Variants in RAI1 observed in about 807,000 individuals in gnomAD.
The protein encoded by RAI1 is retinoic acid-induced protein 1.
A neutral mutation model predicts 123.8 loss-of-function variants in RAI1; 9 were observed. That is an observed-to-expected ratio of 0.07 (90% CI 0.04 to 0.13). The LOEUF (loss-of-function observed/expected upper bound fraction) is 0.13. Ranked by LOEUF, RAI1 falls within the 10% of genes least tolerant of loss-of-function variation. RAI1 has a pLI of 1.00. For missense variants in RAI1, 2,256 were observed against 2,545.8 expected, an observed-to-expected ratio of 0.89 and a Z score of 2.45; for synonymous variants, 1,231 against 1,127.3, an observed-to-expected ratio of 1.09 and a Z score of -1.84.
intron 2 of RAI1, among the ~76,000 whole-genome samples, chr17:17,730,091 A>G (rs1403352331): frequency 6.6e-6 from 1 of 152,126 alleles, no homozygotes; most frequent in Non-Finnish European, 1.5e-5. Context: ...CACTCATTCC[A>G]CAAAAAGCCC....
chr17:17,785,038 A>G (rs1341701764), intron 2 of RAI1, among the ~76,000 whole-genome samples: 2 of 152,090 alleles, frequency 1.3e-5, no homozygotes, highest in African/African-American at 4.8e-5. Context: ...ACTACATCTC[A>G]ACACCACCAG....
chr17:17,783,325 C>T lies in RAI1; in HGVS notation c.-16-9608C>T, dbSNP rs540406813. On this transcript the variant is annotated intron_variant, in intron 2 of 5. Coordinates refer to ENST00000353383, the MANE Select transcript of RAI1 (RefSeq NM_030665.4). ...AGAGCCCGAGGTTGCCGTGACCTTG[C>T]TGGGGTCAGCGGGCTGGGCTGCGGA... Among the ~76,000 whole-genome samples the T allele has an allele frequency of 2.0e-3, 302 of 152,198 alleles. 1 individual carries two copies. The highest frequency in any genetic ancestry group is 0.01 in the Middle Eastern group (3 of 292).
rs1273446373 is a variant in RAI1, at chr17:17,809,619, C to A, written c.5709+180C>A. On this transcript the variant is annotated intron_variant, in intron 5 of 5. Transcript: ENST00000353383. The surrounding 1 kb of genome is among the most constrained non-coding windows in gnomAD (Gnocchi z 4.9). ...CCCCCGCCGCCGTCCAGCTCAGGTC[C>A]CTGTCCACTTGCGCGCCGCCGCCGC... Among the ~76,000 whole-genome samples the A allele has an allele frequency of 6.6e-6, 1 of 152,158 alleles. No individual in the cohort carries two copies. Among genetic ancestry groups the A allele is most frequent in the East Asian group, 1.9e-4 (1 of 5,134 alleles).
chr17:17,783,864 A>G (rs1044837431), intron 2 of RAI1, among the ~76,000 whole-genome samples: 2 of 151,970 alleles, frequency 1.3e-5, no homozygotes, highest in African/African-American at 4.8e-5. Context: ...TACCCTAAGT[A>G]GAGACTGAAT....
At chr17:17,761,094 CCT>C (rs1390507547) in intron 2 of RAI1, among the ~76,000 whole-genome samples, 1 of 152,186 alleles carries the variant, frequency 6.6e-6, no homozygotes, top group Non-Finnish European at 1.5e-5. Context: ...AGTTCCTTGT[CCT>C]CTCTGTGCTC....
intron 2 of RAI1, among the ~76,000 whole-genome samples, chr17:17,738,503 C>A (rs1483512764): frequency 6.6e-6 from 1 of 152,150 alleles, no homozygotes; most frequent in South Asian, 2.1e-4. Context: ...CTGCCCTACA[C>A]GGCCTTGGGC....
rs752328297 is a variant in RAI1 at position 17,794,205 on chromosome 17, G to A, written c.1257G>A (p.Lys419=). The change falls in exon 3 of 6, where the codon AAG becomes AAA. Residue 419 remains lysine (K), a synonymous_variant. Coordinates refer to ENST00000353383, the MANE Select transcript of RAI1 (RefSeq NM_030665.4). ...CTGGCAACTGCAAGCCCCTTCAGAA[G>A]GACAAGCTCCCTGAGAACCTGCTGT... ...TQAGNCKPLQ[K]DKLPENLLSD... The A allele has an allele frequency of 1.9e-6, 3 of 1,613,632 alleles. No homozygotes were observed. Among genetic ancestry groups the A allele is most frequent in the South Asian group, 1.1e-5 (1 of 91,090 alleles).
chr17:17,804,215 G>C (rs548058166), intron 4 of RAI1: 3,711 of 345,500 alleles, frequency 0.011, 146 homozygotes, highest in African/African-American at 0.073. Context: ...ATAAATAGGA[G>C]TTCACTCAGC....
Position 17,810,281 on chromosome 17 carries a change from C to G in RAI1, c.*300C>G. 2.1e-6 allele frequency: 1 copy of G among 475,984 alleles called. No individual in the cohort carries two copies. The highest frequency in any genetic ancestry group is 3.7e-6 in the Non-Finnish European group (1 of 271,262). The allele number at this position is 475,984 out of a possible 1,614,324, so 29.5% of individuals were successfully genotyped here. ...GGGGAGCCCGCGGAGCGGCCAGACT[C>G]CCCGGGGCGCTCAGCCTCCGGCGAG... On this transcript the variant is annotated 3_prime_UTR_variant, in exon 6 of 6. Coordinates refer to ENST00000353383, the MANE Select transcript of RAI1 (RefSeq NM_030665.4). This position sits in a 1 kb window ranked among gnomAD's most constrained non-coding sequence, Gnocchi z 4.6.
At chr17:17,773,275 A>G (rs1316335753) in intron 2 of RAI1, among the ~76,000 whole-genome samples, 1 of 152,120 alleles carries the variant, frequency 6.6e-6, no homozygotes, top group African/African-American at 2.4e-5. Context: ...CCCAGCGTGG[A>G]GGCTCAGGAT....
intron 2 of RAI1, among the ~76,000 whole-genome samples, chr17:17,725,057 G>A (rs954164676): frequency 2.0e-5 from 3 of 152,072 alleles, no homozygotes; most frequent in Non-Finnish European, 2.9e-5. Context: ...CCTCGGGCAG[G>A]GGGAGGGGGC....
chr17:17,686,611 ACG>A (rs906778883), intron 1 of RAI1, among the ~76,000 whole-genome samples: 46 of 67,652 alleles, frequency 6.8e-4, no homozygotes, highest in East Asian at 5.2e-4. Flanking sequence ...GTGTGTGTGC[ACG>A]CGCGCGCCGG....
chr17:17,786,686 C>CT (rs1567906709), intron 2 of RAI1, among the ~76,000 whole-genome samples: 1 of 152,238 alleles, frequency 6.6e-6, no homozygotes, highest in Non-Finnish European at 1.5e-5. Context: ...CTTGACACCT[C>CT]TGTGTTTCCA....
At chr17:17,700,263 T>A (rs993037805) in intron 1 of RAI1, among the ~76,000 whole-genome samples, 1 of 152,148 alleles carries the variant, frequency 6.6e-6, no homozygotes, top group Non-Finnish European at 1.5e-5. Flanking sequence ...GTGAAACCTC[T>A]GGCTCTCGGA....
intron 1 of RAI1, among the ~76,000 whole-genome samples, chr17:17,715,792 TC>T (rs1915694312): frequency 6.6e-6 from 1 of 152,162 alleles, no homozygotes; most frequent in African/African-American, 2.4e-5. Context: ...CTGTGCCCGA[TC>T]CGATCCTCGC....
In RAI1 at chr17:17,797,109, C is replaced by G; in HGVS notation, c.4161C>G (p.Thr1387=). The G allele has an allele frequency of 1.2e-6, 2 of 1,614,018 alleles. No individual in the cohort carries two copies. The highest frequency in any genetic ancestry group is 1.7e-6 in the Non-Finnish European group (2 of 1,180,042). ...GVEEGLVNVG[T]GQKLPTSGAD... ...AAGAAGGCCTGGTAAATGTGGGCAC[C>G]GGGCAGAAGCTCCCAACTTCTGGGG... The change falls in exon 3 of 6, where the codon ACC becomes ACG. Residue 1387 remains threonine (T), a synonymous_variant. Coordinates refer to ENST00000353383, the MANE Select transcript of RAI1 (RefSeq NM_030665.4).
At position 17,796,079 on chromosome 17, in the gene RAI1, C is replaced by G. The variant is rs760124448; in HGVS notation, c.3131C>G (p.Pro1044Arg). Reference sequence around the variant, plus strand: ...GGACAGATGGAAGGGGCTGGAGCCCCAGGCCGGGGGGCCTCGGAAGGGCTC... The same window carrying G: ...GGACAGATGGAAGGGGCTGGAGCCCGAGGCCGGGGGGCCTCGGAAGGGCTC... ...PQGQMEGAGAPGRGASEGLPR... is the reference protein window; with the variant it reads ...PQGQMEGAGARGRGASEGLPR... Residue 1044 changes from proline to arginine, a missense_variant, in exon 3 of 6, where the codon CCA (proline) becomes CGA (arginine). By Grantham distance (103) the Pro-to-Arg change is moderately radical. Around this residue, in one of 7 missense-constraint regions of RAI1, gnomAD observed 566 missense variants for 616.0 expected, o/e 0.92. Coordinates refer to ENST00000353383, the MANE Select transcript of RAI1 (RefSeq NM_030665.4). This position sits in a 1 kb window ranked among gnomAD's most constrained non-coding sequence, Gnocchi z 5.8. 1 of 1,581,124 alleles carries G rather than the reference C, an allele frequency of 6.3e-7. No individual in the cohort carries two copies. The highest frequency in any genetic ancestry group is 8.6e-7 in the Non-Finnish European group (1 of 1,163,702).
chr17:17,774,306 A>C (rs2031261693), intron 2 of RAI1, among the ~76,000 whole-genome samples: 1 of 152,264 alleles, frequency 6.6e-6, no homozygotes, highest in Non-Finnish European at 1.5e-5. Context: ...ACCTGAGGTC[A>C]CACAGCGAGT....
intron 2 of RAI1, among the ~76,000 whole-genome samples, chr17:17,739,918 T>G (rs1916564588): frequency 6.6e-6 from 1 of 152,182 alleles, no homozygotes; most frequent in South Asian, 2.1e-4. Flanking sequence ...TGCTCGGCCC[T>G]TCCCCCAAGC....
Sources: allele counts gnomAD v4.1 joint callset (sites outside exome capture counted in the v4.1 genomes callset), GRCh38; gene constraint gnomAD v4.1.1; regional missense constraint gnomAD v4.1.1; non-coding constraint Gnocchi (gnomAD v3.1); transcripts MANE v1.5; gene names NCBI Gene and HGNC (gene_info 2026-07-23, HGNC 2026-07-21).